Variants in TAMM41 observed in about 807,000 individuals in gnomAD.
TAMM41 encodes the protein TAM41 mitochondrial translocator assembly and maintenance homolog, also known as phosphatidate cytidylyltransferase, mitochondrial.
TAMM41 carries 36 observed loss-of-function variants against 44.1 expected under a neutral mutation model. That is an observed-to-expected ratio of 0.82 (90% CI 0.63 to 1.08). The LOEUF (loss-of-function observed/expected upper bound fraction) is 1.08. Ranked by LOEUF, TAMM41 falls within the 50% of genes least tolerant of loss-of-function variation. The probability of loss-of-function intolerance (pLI) is 0.00; values close to 1 mark genes in which losing one functional copy is unlikely to be tolerated. For synonymous variants in TAMM41, 164 were observed against 153.1 expected, an observed-to-expected ratio of 1.07 and a Z score of -0.53; for missense variants, 417 against 404.3, an observed-to-expected ratio of 1.03 and a Z score of -0.27.
chr3:11,776,654 A>C, the TAMM41 span, among the ~76,000 whole-genome samples: 1 of 152,208 alleles, frequency 6.6e-6, no homozygotes, highest in Non-Finnish European at 1.5e-5. Context: ...GCTCACGAGA[A>C]GAAAATTGCC....
At chr3:11,842,955 T>C (rs979502290) in intron 2 of TAMM41, among the ~76,000 whole-genome samples, 9 of 152,178 alleles carry the variant, frequency 5.9e-5, no homozygotes, top group Admixed American at 5.2e-4. Flanking sequence ...ACAGCTCTCT[T>C]GGAGACTGCG....
chr3:11,751,475 T>C, the TAMM41 span, among the ~76,000 whole-genome samples: 1 of 152,180 alleles, frequency 6.6e-6, no homozygotes, highest in Admixed American at 6.5e-5. Context: ...CTGAGCCAAA[T>C]GCCTCGGGAG....
chr3:11,748,627 C>A, the TAMM41 span, among the ~76,000 whole-genome samples: 1 of 152,148 alleles, frequency 6.6e-6, no homozygotes, highest in African/African-American at 2.4e-5. Flanking sequence ...GATCTGCCCC[C>A]CTCAGCCTCC....
chr3:11,781,528 A>G, the TAMM41 span, among the ~76,000 whole-genome samples: 2,746 of 152,184 alleles, frequency 0.018, 88 homozygotes, highest in African/African-American at 0.061. Context: ...TGAGGTCAGG[A>G]GTTCGAGAGC....
intron 4 of TAMM41, 27 bp from the exon 5 acceptor site, chr3:11,817,364 T>A (rs750276234): frequency 2.5e-6 from 4 of 1,592,090 alleles, no homozygotes; most frequent in Non-Finnish European, 2.6e-6. Flanking sequence ...GATAAACACA[T>A]CTTCCATTAA....
chr3:11,745,882 A>G, the TAMM41 span, among the ~76,000 whole-genome samples: 4 of 152,344 alleles, frequency 2.6e-5, no homozygotes, highest in African/African-American at 9.6e-5. Context: ...GTGGTAAACT[A>G]CAGTTAATTA....
At chr3:11,824,098 A>G (rs975658501) in intron 4 of TAMM41, among the ~76,000 whole-genome samples, 3 of 152,036 alleles carry the variant, frequency 2.0e-5, no homozygotes, top group Non-Finnish European at 2.9e-5. Flanking sequence ...AAGTGTTGGG[A>G]TTACAGGCGT....
chr3:11,753,875 G>A, the TAMM41 span, among the ~76,000 whole-genome samples: 1 of 152,138 alleles, frequency 6.6e-6, no homozygotes, highest in Non-Finnish European at 1.5e-5. Flanking sequence ...AGGGCAAGGG[G>A]CGAGGAGGCC....
Position 11,845,515 on chromosome 3 carries a change from C to T in TAMM41, c.135+987G>A, listed in dbSNP as rs114135703. On this transcript the variant is annotated intron_variant, in intron 1 of 7. Transcript: ENST00000455809. Reference sequence around the variant, plus strand: ...ACTGGGGACACTTGAGATTTGGTGGCGAGGCAGGTATGGAATAAACATGTT... The same window carrying T: ...ACTGGGGACACTTGAGATTTGGTGGTGAGGCAGGTATGGAATAAACATGTT... Among the ~76,000 whole-genome samples, 988 of 152,032 alleles carry T rather than the reference C, an allele frequency of 6.5e-3. 7 individuals carry two copies. The highest frequency in any genetic ancestry group is 0.023 in the African/African-American group (936 of 41,458).
intron 6 of TAMM41, chr3:11,809,068 C>A: frequency 4.5e-6 from 1 of 223,804 alleles, no homozygotes; most frequent in Non-Finnish European, 8.6e-6. Context: ...GGGGAAAATG[C>A]TGTGGAACGT....
the TAMM41 span, among the ~76,000 whole-genome samples, chr3:11,729,531 TTTCTTTCA>T: frequency 9.4e-6 from 1 of 106,672 alleles, no homozygotes; most frequent in African/African-American, 3.3e-5. Flanking sequence ...CTTTCTTTTC[TTTCTTTCA>T]TTTTTTTTTT....
intron 1 of TAMM41, among the ~76,000 whole-genome samples, chr3:11,846,210 G>A (rs866594146): frequency 4.7e-4 from 72 of 152,366 alleles, no homozygotes; most frequent in African/African-American, 1.6e-3. Flanking sequence ...AACACTGAAA[G>A]AACCTGATAA....
chr3:11,756,290 C>A, the TAMM41 span, among the ~76,000 whole-genome samples: 21 of 152,256 alleles, frequency 1.4e-4, no homozygotes, highest in African/African-American at 5.1e-4. Context: ...TTTTCCATGA[C>A]CACTCTTACT....
At chr3:11,759,408 T>C in the TAMM41 span, among the ~76,000 whole-genome samples, 1 of 151,640 alleles carries the variant, frequency 6.6e-6, no homozygotes, top group South Asian at 2.1e-4. Flanking sequence ...AGTGGTACGG[T>C]GGAAGGGGCA....
At chr3:11,789,042 G>A (rs1462338087), downstream of TAMM41, among the ~76,000 whole-genome samples, 6 of 152,220 alleles carry the variant, frequency 3.9e-5, no homozygotes, top group Non-Finnish European at 7.3e-5. Context: ...ACAACCATTT[G>A]CTCAATGCTA....
intron 7 of TAMM41, among the ~76,000 whole-genome samples, chr3:11,801,538 C>A (rs187263314): frequency 2.0e-5 from 3 of 152,086 alleles, no homozygotes; most frequent in Non-Finnish European, 4.4e-5. Flanking sequence ...GTTGCCCAGG[C>A]TGGTTTCAAA....
intron 2 of TAMM41, 39 bp from the exon 3 acceptor site, chr3:11,839,353 A>C (rs750367417): frequency 2.1e-5 from 27 of 1,280,334 alleles, no homozygotes; most frequent in Non-Finnish European, 2.8e-5. Flanking sequence ...GGAGTAAAAT[A>C]CCATGTTATT....
the TAMM41 span, among the ~76,000 whole-genome samples, chr3:11,744,427 C>T: frequency 6.6e-6 from 1 of 152,006 alleles, no homozygotes; most frequent in Non-Finnish European, 1.5e-5. Flanking sequence ...GGCACAGTGG[C>T]TCACACCTGT....
At chr3:11,779,237 T>C in the TAMM41 span, among the ~76,000 whole-genome samples, 1 of 152,184 alleles carries the variant, frequency 6.6e-6, no homozygotes, top group Non-Finnish European at 1.5e-5. Flanking sequence ...CCTCACCAGA[T>C]GCAGATGCCC....
Sources: allele counts gnomAD v4.1 joint callset (sites outside exome capture counted in the v4.1 genomes callset), GRCh38; gene constraint gnomAD v4.1.1; transcripts MANE v1.5; gene names NCBI Gene and HGNC (gene_info 2026-07-23, HGNC 2026-07-21).